Variants in ATRNL1 observed in about 807,000 individuals in gnomAD.
ATRNL1 encodes the protein attractin like 1.
Under a neutral mutation model 182.7 loss-of-function variants are expected in ATRNL1, and 95 were observed. That is an observed-to-expected ratio of 0.52 (90% CI 0.44 to 0.62). The LOEUF is 0.62. Among genes scored for constraint, ATRNL1 ranks in the 20% least tolerant of loss-of-function variants. The pLI, the probability that ATRNL1 is intolerant of heterozygous loss-of-function variation, is 0.00. For missense variants in ATRNL1, 1,471 were observed against 1,679.5 expected, an observed-to-expected ratio of 0.88 and a Z score of 2.17; for synonymous variants, 576 against 568.3, an observed-to-expected ratio of 1.01 and a Z score of -0.19.
At chr10:115,829,444 T>C (rs941215915) in intron 27 of ATRNL1, among the ~76,000 whole-genome samples, 4 of 151,652 alleles carry the variant, frequency 2.6e-5, no homozygotes, top group Non-Finnish European at 4.4e-5. Flanking sequence ...ATCAAGCTTA[T>C]GTCAATTTCC....
chr10:115,388,029 A>G lies in ATRNL1; in HGVS notation c.3176-6630A>G, dbSNP rs1412333284. On this transcript the variant is annotated intron_variant, in intron 19 of 28. Coordinates refer to ENST00000355044, the MANE Select transcript of ATRNL1 (RefSeq NM_207303.4). The stretch of plus-strand genomic sequence containing the variant: ...TAAGGTACTGATGTTTTCCTGTGAC[A>G]TAATGCATGATTATGTTTTGTGAAT... 3.3e-5 allele frequency among the ~76,000 whole-genome samples: 5 copies of G among 152,228 alleles called. 1 individual carries two copies. Among genetic ancestry groups the G allele is most frequent in the Admixed American group, 3.3e-4 (5 of 15,280 alleles).
At chr10:115,291,815 T>G (rs1364069909) in intron 15 of ATRNL1, among the ~76,000 whole-genome samples, 1 of 151,326 alleles carries the variant, frequency 6.6e-6, no homozygotes, top group Non-Finnish European at 1.5e-5. Flanking sequence ...TCTAGGTTTT[T>G]TTTTTTTTTT....
intron 28 of ATRNL1, among the ~76,000 whole-genome samples, chr10:115,932,446 T>G (rs2134596313): frequency 6.6e-6 from 1 of 152,346 alleles, no homozygotes; most frequent in Admixed American, 6.5e-5. Flanking sequence ...GGCCATTACA[T>G]TATCTGTAAT....
intron 26 of ATRNL1, among the ~76,000 whole-genome samples, chr10:115,625,273 T>C (rs1858020904): frequency 6.6e-6 from 1 of 152,182 alleles, no homozygotes; most frequent in African/African-American, 2.4e-5. Flanking sequence ...TGTTCGAAAT[T>C]GTATGGATGA....
chr10:115,646,749 A>C (rs1555032606), intron 26 of ATRNL1, among the ~76,000 whole-genome samples: 1 of 151,846 alleles, frequency 6.6e-6, no homozygotes, highest in African/African-American at 2.4e-5. Context: ...ATAATACTAT[A>C]CATACTATTA....
chr10:115,691,334 T>C (rs1946387700), intron 26 of ATRNL1, among the ~76,000 whole-genome samples: 1 of 152,216 alleles, frequency 6.6e-6, no homozygotes, highest in South Asian at 2.1e-4. Context: ...TGTGAGGTGA[T>C]AGCTCATTAT....
rs181597730 is a variant in ATRNL1 at position 115,672,075 on chromosome 10, A to G, written c.3796-55173A>G. On this transcript the variant is annotated intron_variant, in intron 26 of 28. Transcript: ENST00000355044. ...ACCTCTAAACAAGTCAATAATTGAA[A>G]GAAAAACAAATAACATAATTGTATA... is the stretch of plus-strand genomic sequence containing the variant. Among the ~76,000 whole-genome samples, 872 of 152,270 alleles carry G rather than the reference A, an allele frequency of 5.7e-3. 4 individuals are homozygous for G. The highest frequency in any genetic ancestry group is 7.2e-3 in the Non-Finnish European group (489 of 68,006).
chr10:115,320,081 A>G (rs1163423186), intron 18 of ATRNL1, among the ~76,000 whole-genome samples: 1 of 152,092 alleles, frequency 6.6e-6, no homozygotes, highest in Non-Finnish European at 1.5e-5. Flanking sequence ...CTTGCAAGGC[A>G]GGCCTGGTGG....
Position 115,887,843 on chromosome 10 carries a change from C to T in ATRNL1, c.4018+39852C>T, listed in dbSNP as rs1951986664. Among the ~76,000 whole-genome samples the T allele has an allele frequency of 3.3e-5, 5 of 152,028 alleles. No individual in the cohort carries two copies. The South Asian group carries it at 1.0e-3, about 32-fold the overall frequency. On this transcript the variant is annotated intron_variant, in intron 28 of 28. Coordinates refer to ENST00000355044, the MANE Select transcript of ATRNL1 (RefSeq NM_207303.4). ...CTATTTTTTCACTCTCTCTCCACTG[C>T]CACCCTCCTTGTCTAAGCTACTCTT... is the stretch of plus-strand genomic sequence containing the variant.
At chr10:115,542,024 A>G in intron 25 of ATRNL1, among the ~76,000 whole-genome samples, 1 of 152,292 alleles carries the variant, frequency 6.6e-6, no homozygotes, top group African/African-American at 2.4e-5. Context: ...AAAACATTTA[A>G]TGTAGGAAGA....
At chr10:115,910,547 G>A (rs1555115676) in intron 28 of ATRNL1, among the ~76,000 whole-genome samples, 1 of 152,046 alleles carries the variant, frequency 6.6e-6, no homozygotes, top group African/African-American at 2.4e-5. Flanking sequence ...GCATTTCCTA[G>A]CCGGCTGCCA....
intron 21 of ATRNL1, among the ~76,000 whole-genome samples, chr10:115,428,617 C>G (rs374214879): frequency 3.9e-5 from 6 of 151,916 alleles, no homozygotes; most frequent in Non-Finnish European, 5.9e-5. Flanking sequence ...CAATGCATTT[C>G]CTGCATTAAT....
chr10:115,666,034 T>C (rs567937987), intron 26 of ATRNL1, among the ~76,000 whole-genome samples: 1 of 152,234 alleles, frequency 6.6e-6, no homozygotes, highest in South Asian at 2.1e-4. Flanking sequence ...GTAATTTGAT[T>C]ATGATAAATA....
At chr10:115,647,562 A>AT (rs1387042216) in intron 26 of ATRNL1, among the ~76,000 whole-genome samples, 2 of 152,022 alleles carry the variant, frequency 1.3e-5, no homozygotes, top group Non-Finnish European at 2.9e-5. Flanking sequence ...GATGATGAGC[A>AT]TTTTTTCATG....
rs559717162 is a variant in ATRNL1 at position 115,454,322 on chromosome 10, A to T, written c.3323-7619A>T. On this transcript the variant is annotated intron_variant, in intron 21 of 28. Coordinates refer to ENST00000355044, the MANE Select transcript of ATRNL1 (RefSeq NM_207303.4). The stretch of plus-strand genomic sequence containing the variant: ...TTATAGCCTTGTAATATATTTTGAA[A>T]TCAGGGGTATGATACCTCCAGCCTT... 8.5e-5 allele frequency among the ~76,000 whole-genome samples: 13 copies of T among 152,198 alleles called. No homozygotes were observed. In the East Asian group the frequency reaches 2.1e-3, roughly 25 times the overall value.
intron 24 of ATRNL1, among the ~76,000 whole-genome samples, chr10:115,485,194 A>AAT (rs1482375012): frequency 5.3e-5 from 8 of 152,018 alleles, no homozygotes; most frequent in African/African-American, 1.9e-4. Context: ...GTTTTATAAA[A>AAT]ATATATATAA....
At chr10:115,349,337 A>G (rs1016900533) in intron 19 of ATRNL1, among the ~76,000 whole-genome samples, 4 of 152,198 alleles carry the variant, frequency 2.6e-5, no homozygotes, top group African/African-American at 9.7e-5. Context: ...TATATATACC[A>G]CATTTTCTTT....
intron 26 of ATRNL1, among the ~76,000 whole-genome samples, chr10:115,704,518 T>C (rs1431928015): frequency 6.6e-6 from 1 of 151,994 alleles, no homozygotes; most frequent in Non-Finnish European, 1.5e-5. Context: ...TATTTTTAAA[T>C]TGTATATATG....
chr10:115,392,313 C>T (rs1320631460), intron 19 of ATRNL1, among the ~76,000 whole-genome samples: 1 of 152,072 alleles, frequency 6.6e-6, no homozygotes, highest in African/African-American at 2.4e-5. Context: ...TTTTCTCTGT[C>T]ACTGACCCTT....
Sources: gnomAD v4.1 joint callset for allele counts (sites outside exome capture counted in the v4.1 genomes callset) on GRCh38, gnomAD v4.1.1 for gene constraint, MANE v1.5 for transcripts, NCBI Gene and HGNC (gene_info 2026-07-23, HGNC 2026-07-21) for gene names.